Variants in SCLY observed in about 807,000 individuals in gnomAD.
SCLY encodes the protein putative selenocysteine lyase.
A neutral mutation model predicts 50.1 loss-of-function variants in SCLY; 38 were observed. That is an observed-to-expected ratio of 0.76 (90% CI 0.59 to 0.99). SCLY has a LOEUF of 0.99. Among genes scored for constraint, SCLY ranks in the 50% least tolerant of loss-of-function variants. The pLI is 0.00. For synonymous variants in SCLY, 243 were observed against 249.4 expected (o/e 0.97, Z 0.24); for missense variants, 600 against 620.0 (o/e 0.97, Z 0.34).
In SCLY at chr2:238,061,261, G is replaced by A. The variant is rs573612304; in HGVS notation, c.89+118G>A. ...GCTCTCGCGTGGGGCGTCCCGCGCG[G>A]GGATGTCCGCGAGGTCGGCCTAAGT... On this transcript the variant is annotated intron_variant, in intron 1 of 11. Coordinates refer to ENST00000254663, the MANE Select transcript of SCLY (RefSeq NM_016510.7). 3.1e-5 allele frequency: 25 copies of A among 814,034 alleles called. No homozygotes were observed. In the Admixed American group the frequency reaches 5.0e-4, roughly 16 times the overall value. 50.4% of individuals were successfully genotyped at this position (814,034 alleles called of 1,614,324 possible).
chr2:238,076,331 A>G (rs57397440), intron 4 of SCLY, among the ~76,000 whole-genome samples: 17,847 of 152,036 alleles, frequency 0.12, 1,645 homozygotes, highest in African/African-American at 0.25. Flanking sequence ...AACTCAAGTG[A>G]CCCACCCACC....
At chr2:238,093,242 T>C (rs2065387168) in intron 8 of SCLY, 1 of 154,430 alleles carries the variant, frequency 6.5e-6, no homozygotes, top group South Asian at 2.0e-4. Flanking sequence ...GGGGGCCTGC[T>C]GCTGCCATTT....
chr2:238,087,040 A>T (rs1402663642), intron 7 of SCLY, among the ~76,000 whole-genome samples: 1 of 151,702 alleles, frequency 6.6e-6, no homozygotes, highest in Non-Finnish European at 1.5e-5. Context: ...AAAAGACAAC[A>T]TTAGCTGGGC....
chr2:238,085,704 A>G (rs1373293349), intron 7 of SCLY, among the ~76,000 whole-genome samples: 9 of 152,280 alleles, frequency 5.9e-5, no homozygotes, highest in Admixed American at 5.2e-4. Context: ...CCTGGGCAAC[A>G]GAGCGGGACT....
chr2:238,094,708 G>T, intron 10 of SCLY, 186 bp downstream of exon 10: 1 of 572,530 alleles, frequency 1.7e-6, no homozygotes, highest in Non-Finnish European at 3.1e-6. Flanking sequence ...CAGGGCTCTC[G>T]CCGCTGGCCC....
intron 7 of SCLY, among the ~76,000 whole-genome samples, chr2:238,088,548 C>T (rs546450170): frequency 2.0e-5 from 3 of 152,190 alleles, no homozygotes; most frequent in Admixed American, 6.5e-5. Flanking sequence ...GATGCCAAGG[C>T]GAGAGGATCA....
rs1359343157 is a variant in SCLY, at chr2:238,098,206, T to TC, written c.1193dup (p.Val399SerfsTer80). On this transcript the variant is annotated frameshift_variant, in exon 12 of 12. Coordinates refer to ENST00000254663, the MANE Select transcript of SCLY (RefSeq NM_016510.7). LOFTEE classifies it high-confidence loss of function. ...GCTCGGTCTCGCCCTCCCCAGGCCG[T>TC]CCCCAGTGCTGCTGAGCTACGGTGT... The TC allele has an allele frequency of 1.9e-6, 3 of 1,604,706 alleles. No homozygotes were observed. The highest frequency in any genetic ancestry group is 2.3e-5 in the East Asian group (1 of 44,444).
chr2:238,091,559 A>ATCTACACCT, intron 8 of SCLY: 1 of 322,626 alleles, frequency 3.1e-6, no homozygotes. Context: ...CCATTCCCAA[A>ATCTACACCT]GGCGTCGGCA....
intron 8 of SCLY, chr2:238,091,533 T>TC: frequency 2.5e-6 from 1 of 400,354 alleles, no homozygotes. Context: ...AGGTGAAGTG[T>TC]CAAGCTGCAG....
intron 11 of SCLY, among the ~76,000 whole-genome samples, chr2:238,097,998 G>C (rs1247651781): frequency 6.6e-6 from 1 of 152,168 alleles, no homozygotes; most frequent in Non-Finnish European, 1.5e-5. Context: ...CAGGGAGAAC[G>C]GGGGCGACTT....
intron 4 of SCLY, among the ~76,000 whole-genome samples, chr2:238,076,295 T>G (rs1280411492): frequency 2.6e-5 from 4 of 152,198 alleles, no homozygotes; most frequent in Non-Finnish European, 5.9e-5. Context: ...TTTTGCCATG[T>G]TGGCTGGGCT....
intron 4 of SCLY, among the ~76,000 whole-genome samples, chr2:238,074,551 T>A (rs2065155041): frequency 6.6e-6 from 1 of 152,182 alleles, no homozygotes; most frequent in Admixed American, 6.5e-5. Flanking sequence ...TGGAGTGATC[T>A]TGGCTGACTG....
intron 4 of SCLY, among the ~76,000 whole-genome samples, chr2:238,073,310 A>G (rs1348335874): frequency 6.6e-6 from 1 of 152,140 alleles, no homozygotes; most frequent in African/African-American, 2.4e-5. Context: ...CAAATTTGTT[A>G]TTTTTTAATA....
At chr2:238,088,195 C>T (rs1456642715) in intron 7 of SCLY, among the ~76,000 whole-genome samples, 2 of 152,174 alleles carry the variant, frequency 1.3e-5, no homozygotes, top group Admixed American at 6.5e-5. Flanking sequence ...GGAGTGGTAG[C>T]TCATGCCTGC....
At chr2:238,073,866 C>A in intron 4 of SCLY, 1 of 426,006 alleles carries the variant, frequency 2.3e-6, no homozygotes, top group Non-Finnish European at 4.7e-6. Flanking sequence ...ATTTTTATTC[C>A]TTATGATTTT....
At chr2:238,089,170 G>A (rs1487696092) in intron 7 of SCLY, among the ~76,000 whole-genome samples, 1 of 152,078 alleles carries the variant, frequency 6.6e-6, no homozygotes, top group Non-Finnish European at 1.5e-5. Context: ...CATTTACAAT[G>A]AAACAAAATT....
At chr2:238,079,248 T>A (rs573505633) in intron 4 of SCLY, 4,342 of 151,902 alleles carry the variant, frequency 0.029, 75 homozygotes, top group Middle Eastern at 0.055. Flanking sequence ...TAATTTTTTA[T>A]TTTTTGTGCA....
intron 5 of SCLY, 101 bp downstream of exon 5, chr2:238,081,937 C>A (rs777519371): frequency 1.1e-4 from 175 of 1,574,926 alleles, no homozygotes; most frequent in Non-Finnish European, 1.4e-4. Flanking sequence ...TCTCCCGTTT[C>A]TCTGTTCACT....
rs1176332952 is a variant in SCLY, at chr2:238,061,113, G to C, written c.59G>C (p.Ser20Thr). Reference protein sequence around the residue: ...DAPAPAASQPSGCGKHNSPER... With the variant: ...DAPAPAASQPTGCGKHNSPER... ...CCGGCACCCGCGGCGAGTCAGCCCA[G>C]CGGCTGCGGGAAACACAACTCGCCG... Residue 20 changes from serine to threonine, a missense_variant, in exon 1 of 12, where the codon AGC becomes ACC. Physicochemically the swap from Ser to Thr is moderately conservative, Grantham distance 58. Transcript: ENST00000254663. 1.9e-5 allele frequency: 28 copies of C among 1,446,416 alleles called. No individual in the cohort carries two copies. Among genetic ancestry groups the C allele is most frequent in the Non-Finnish European group, 2.4e-5 (27 of 1,106,840 alleles). 89.6% of individuals were successfully genotyped at this position (1,446,416 alleles called of 1,614,324 possible).
Sources: gnomAD v4.1 joint callset for allele counts (sites outside exome capture counted in the v4.1 genomes callset) on GRCh38, gnomAD v4.1.1 for gene constraint, MANE v1.5 for transcripts, NCBI Gene and HGNC (gene_info 2026-07-23, HGNC 2026-07-21) for gene names.